Variants in GRID2 observed in about 807,000 individuals in gnomAD.
GRID2 encodes glutamate ionotropic receptor delta type subunit 2, also known as glutamate receptor ionotropic, delta-2.
GRID2 carries 33 observed loss-of-function variants against 114.8 expected under a neutral mutation model. That is an observed-to-expected ratio of 0.29 (90% CI 0.22 to 0.38). The LOEUF (loss-of-function observed/expected upper bound fraction) is 0.38, where lower values mean the gene tolerates loss of function less well. Ranked by LOEUF, GRID2 falls within the 10% of genes least tolerant of loss-of-function variation. The pLI, the probability that GRID2 is intolerant of heterozygous loss-of-function variation, is 1.00. For synonymous variants in GRID2, 505 were observed against 449.9 expected, an observed-to-expected ratio of 1.12 and a Z score of -1.55; for missense variants, 1,184 against 1,257.7, an observed-to-expected ratio of 0.94 and a Z score of 0.89.
chr4:92,510,037 C>A (rs1488526569), intron 1 of GRID2, among the ~76,000 whole-genome samples: 1 of 151,740 alleles, frequency 6.6e-6, no homozygotes, highest in Admixed American at 6.6e-5. Flanking sequence ...CTGGATACTG[C>A]GTTAATAAGA....
intron 14 of GRID2, among the ~76,000 whole-genome samples, chr4:93,635,609 C>A (rs1362166135): frequency 6.6e-6 from 1 of 151,892 alleles, no homozygotes; most frequent in African/African-American, 2.4e-5. Flanking sequence ...GGATTTTTAA[C>A]TTAAAGAACT....
At chr4:92,582,935 C>T (rs548650337) in intron 1 of GRID2, among the ~76,000 whole-genome samples, 1 of 151,870 alleles carries the variant, frequency 6.6e-6, no homozygotes, top group African/African-American at 2.4e-5. Context: ...TGCAGTGAGC[C>T]ATGGCTGTAT....
At chr4:92,484,975 T>A (rs1722793456) in intron 1 of GRID2, among the ~76,000 whole-genome samples, 1 of 152,026 alleles carries the variant, frequency 6.6e-6, no homozygotes, top group African/African-American at 2.4e-5. Context: ...AGCGATCTAA[T>A]CATGGTGCTT....
intron 8 of GRID2, among the ~76,000 whole-genome samples, chr4:93,381,788 T>C (rs1270029477): frequency 6.6e-6 from 1 of 152,110 alleles, no homozygotes; most frequent in East Asian, 1.9e-4. Context: ...AATTAAACCA[T>C]TGTTACAATA....
chr4:93,632,021 G>A (rs1720945561), intron 14 of GRID2, among the ~76,000 whole-genome samples: 1 of 152,148 alleles, frequency 6.6e-6, no homozygotes, highest in Non-Finnish European at 1.5e-5. Context: ...CTTCTTTTGA[G>A]AAGTGTCTGT....
In GRID2 at chr4:93,384,669, G is replaced by A. The variant is rs974380269; in HGVS notation, c.1246-10938G>A. ...TTCTTAATTATAAATTTTAAGTGGT[G>A]GGAGAATGATGTATTTACACTAATG... On this transcript the variant is annotated intron_variant, in intron 8 of 15. Coordinates refer to ENST00000282020, the MANE Select transcript of GRID2 (RefSeq NM_001510.4). 2.6e-5 allele frequency among the ~76,000 whole-genome samples: 4 copies of A among 152,042 alleles called. No individual in the cohort carries two copies. In the South Asian group the frequency reaches 8.3e-4, roughly 32 times the overall value.
intron 8 of GRID2, among the ~76,000 whole-genome samples, chr4:93,326,549 G>C (rs557771677): frequency 7.2e-5 from 11 of 151,970 alleles, no homozygotes; most frequent in Non-Finnish European, 1.3e-4. Context: ...CAATAGAAGG[G>C]GAGTAAACTG....
At chr4:93,261,272 G>A (rs1445537006) in intron 8 of GRID2, among the ~76,000 whole-genome samples, 1 of 151,804 alleles carries the variant, frequency 6.6e-6, no homozygotes, top group East Asian at 1.9e-4. Flanking sequence ...CACACTTTAC[G>A]AAAGTGCTTT....
chr4:93,193,856 T>TA (rs1285311879), intron 4 of GRID2, among the ~76,000 whole-genome samples: 2 of 152,184 alleles, frequency 1.3e-5, no homozygotes, highest in African/African-American at 4.8e-5. Context: ...CCCCCTGAAT[T>TA]ATAGGCCACA....
chr4:93,493,342 A>C (rs7682622), intron 12 of GRID2, among the ~76,000 whole-genome samples: 64,932 of 151,686 alleles, frequency 0.43, 15,665 homozygotes, highest in Non-Finnish European at 0.56. Context: ...ACCAGAAGTT[A>C]AGCATATTAC....
intron 1 of GRID2, among the ~76,000 whole-genome samples, chr4:93,792,341 C>G (rs544928139): frequency 1.3e-5 from 2 of 152,024 alleles, no homozygotes; most frequent in African/African-American, 4.8e-5. Context: ...ACATCTGTAC[C>G]TTTAATTCTC....
intron 9 of GRID2, among the ~76,000 whole-genome samples, chr4:93,415,913 TTTAC>T (rs946752717): frequency 6.6e-6 from 1 of 151,982 alleles, no homozygotes; most frequent in African/African-American, 2.4e-5. Flanking sequence ...AGTATTTTTA[TTTAC>T]TTTTATCATT....
chr4:92,620,795 G>T (rs908864309), intron 2 of GRID2, among the ~76,000 whole-genome samples: 3 of 151,130 alleles, frequency 2.0e-5, no homozygotes, highest in Non-Finnish European at 4.4e-5. Context: ...ACTGTTGTGG[G>T]GTGGGGGGAG....
intron 4 of GRID2, among the ~76,000 whole-genome samples, chr4:93,126,553 C>G (rs1052617064): frequency 3.5e-5 from 5 of 143,720 alleles, no homozygotes; most frequent in Non-Finnish European, 1.5e-5. Context: ...AAAATTATCC[C>G]TGGTTGACAG....
intron 1 of GRID2, among the ~76,000 whole-genome samples, chr4:92,531,579 T>C (rs1249805977): frequency 6.6e-6 from 1 of 152,104 alleles, no homozygotes; most frequent in African/African-American, 2.4e-5. Flanking sequence ...AGAATAAGTG[T>C]TGAAATACTA....
chr4:92,858,644 G>A (rs767491297), intron 2 of GRID2, among the ~76,000 whole-genome samples: 36 of 152,080 alleles, frequency 2.4e-4, no homozygotes, highest in African/African-American at 8.0e-4. Context: ...TGCAAGCTCC[G>A]ACTCCCAGGT....
At chr4:92,484,856 CATT>C (rs766828292) in intron 1 of GRID2, among the ~76,000 whole-genome samples, 1 of 151,858 alleles carries the variant, frequency 6.6e-6, no homozygotes, top group Non-Finnish European at 1.5e-5. Flanking sequence ...AGCTATTTTA[CATT>C]ATTATGCATT....
chr4:93,373,507 A>G (rs937041102), intron 8 of GRID2, among the ~76,000 whole-genome samples: 2 of 152,182 alleles, frequency 1.3e-5, no homozygotes, highest in Non-Finnish European at 1.5e-5. Flanking sequence ...ACAAGATGTT[A>G]TCACCCATAG....
chr4:92,804,487 TA>T (rs72230287), intron 2 of GRID2, among the ~76,000 whole-genome samples: 118 of 151,792 alleles, frequency 7.8e-4, no homozygotes, highest in African/African-American at 2.7e-3. Flanking sequence ...TGGTTATAAG[TA>T]AAAAAAATGG....
Sources: allele counts gnomAD v4.1 joint callset (sites outside exome capture counted in the v4.1 genomes callset), GRCh38; gene constraint gnomAD v4.1.1; transcripts MANE v1.5; gene names NCBI Gene and HGNC (gene_info 2026-07-23, HGNC 2026-07-21).